DNAJC5B: variants seen among roughly 807,000 people sequenced by gnomAD.
The protein encoded by DNAJC5B is DnaJ heat shock protein family (Hsp40) member C5 beta.
A neutral mutation model predicts 24.7 loss-of-function variants in DNAJC5B; 23 were observed. The ratio of observed to expected loss-of-function variants is 0.93; its 90% CI spans 0.67 to 1.32. DNAJC5B has a LOEUF of 1.32. Among genes scored for constraint, DNAJC5B ranks in the 40% most tolerant of loss-of-function variants. The probability of loss-of-function intolerance (pLI) is 0.00; values close to 1 mark genes in which losing one functional copy is unlikely to be tolerated. For missense variants in DNAJC5B, 238 were observed against 240.8 expected (o/e 0.99, Z 0.08); for synonymous variants, 101 against 90.1 (o/e 1.12, Z -0.68).
chr8:66,033,563 C>T (rs565388034), intron 1 of DNAJC5B, among the ~76,000 whole-genome samples: 2 of 152,142 alleles, frequency 1.3e-5, no homozygotes, highest in South Asian at 4.1e-4. Flanking sequence ...ATTTGGCTTC[C>T]ATGGGATGAT....
At position 66,101,225 on chromosome 8, in the gene DNAJC5B, G is replaced by T. The variant is rs1427071587; in HGVS notation, c.*1194G>T. 6.6e-6 allele frequency among the ~76,000 whole-genome samples: 1 copy of T among 152,096 alleles called. No homozygotes were observed. Among genetic ancestry groups the T allele is most frequent in the African/African-American group, 2.4e-5 (1 of 41,430 alleles). Reference sequence around the variant, plus strand: ...GTGTTATAGCTCTGATAGTTCTGAGGTCATTAAAATTCCACTCTAACTCTT... The same window carrying T: ...GTGTTATAGCTCTGATAGTTCTGAGTTCATTAAAATTCCACTCTAACTCTT... On this transcript the variant is annotated 3_prime_UTR_variant, in exon 6 of 6. Transcript: ENST00000276570.
At chr8:66,027,395 A>G (rs1343609964) in intron 1 of DNAJC5B, among the ~76,000 whole-genome samples, 1 of 152,230 alleles carries the variant, frequency 6.6e-6, no homozygotes, top group Non-Finnish European at 1.5e-5. Flanking sequence ...GAGCTGAGTC[A>G]TGAATACTGT....
At chr8:66,020,847 G>A (rs570623280), upstream of DNAJC5B, among the ~76,000 whole-genome samples, 3 of 151,984 alleles carry the variant, frequency 2.0e-5, no homozygotes, top group South Asian at 4.2e-4. Context: ...TATATAGCTC[G>A]GGCTGGTCTC....
At chr8:66,053,270 T>C (rs898673542) in intron 3 of DNAJC5B, among the ~76,000 whole-genome samples, 2 of 152,160 alleles carry the variant, frequency 1.3e-5, no homozygotes, top group Non-Finnish European at 1.5e-5. Context: ...TTCTTACATA[T>C]AGTTTTAAGT....
intron 3 of DNAJC5B, among the ~76,000 whole-genome samples, chr8:66,054,176 A>C (rs952795282): frequency 5.9e-5 from 9 of 152,168 alleles, no homozygotes; most frequent in Admixed American, 1.3e-4. Flanking sequence ...ACAGGAAAAA[A>C]ATAATCAAAA....
At chr8:66,067,489 T>C (rs948447377) in intron 3 of DNAJC5B, among the ~76,000 whole-genome samples, 1 of 152,192 alleles carries the variant, frequency 6.6e-6, no homozygotes, top group Non-Finnish European at 1.5e-5. Flanking sequence ...CTGGTTTTCA[T>C]GTCCTTGTGT....
intron 3 of DNAJC5B, among the ~76,000 whole-genome samples, chr8:66,062,060 G>A (rs1807094954): frequency 6.6e-6 from 1 of 152,240 alleles, no homozygotes; most frequent in South Asian, 2.1e-4. Flanking sequence ...TTCCCTTGCT[G>A]CTTTTCTGCC....
intron 5 of DNAJC5B, among the ~76,000 whole-genome samples, chr8:66,097,857 C>A (rs1460554649): frequency 2.0e-5 from 3 of 151,166 alleles, no homozygotes; most frequent in Admixed American, 6.6e-5. Flanking sequence ...CTTGTCTTTT[C>A]TTTTTTTTTG....
chr8:66,075,847 A>G (rs888419058), intron 3 of DNAJC5B, among the ~76,000 whole-genome samples: 1 of 152,212 alleles, frequency 6.6e-6, no homozygotes, highest in Non-Finnish European at 1.5e-5. Context: ...GGTGTACTCT[A>G]CTTTTCTGCT....
intron 3 of DNAJC5B, 26 bp downstream of exon 3, chr8:66,051,692 T>C: frequency 6.5e-7 from 1 of 1,540,876 alleles, no homozygotes; most frequent in Middle Eastern, 1.7e-4. Flanking sequence ...GTGACATTTC[T>C]TCTGCTACTA....
chr8:66,097,110 G>A (rs1016707457), intron 5 of DNAJC5B, among the ~76,000 whole-genome samples: 1 of 151,566 alleles, frequency 6.6e-6, no homozygotes, highest in Non-Finnish European at 1.5e-5. Flanking sequence ...GAACACTGCT[G>A]GACATGTAAT....
intron 3 of DNAJC5B, among the ~76,000 whole-genome samples, chr8:66,063,717 C>G (rs1332043001): frequency 6.6e-6 from 1 of 152,154 alleles, no homozygotes; most frequent in African/African-American, 2.4e-5. Flanking sequence ...CTCATTCACT[C>G]AATATCTATT....
chr8:66,061,938 T>A (rs1807091301), intron 3 of DNAJC5B, among the ~76,000 whole-genome samples: 1 of 150,632 alleles, frequency 6.6e-6, no homozygotes, highest in African/African-American at 2.4e-5. Flanking sequence ...TCAGGTGGCT[T>A]CGGGGAGTGG....
At chr8:66,064,233 A>C (rs1009187573) in intron 3 of DNAJC5B, among the ~76,000 whole-genome samples, 1 of 152,240 alleles carries the variant, frequency 6.6e-6, no homozygotes, top group Non-Finnish European at 1.5e-5. Flanking sequence ...CGTAAAGATC[A>C]GAGGATAATG....
At chr8:66,020,409 T>G (rs775604515), upstream of DNAJC5B, among the ~76,000 whole-genome samples, 1 of 152,202 alleles carries the variant, frequency 6.6e-6, no homozygotes, top group Non-Finnish European at 1.5e-5. Context: ...TTCTCTGACT[T>G]CACAGATACG....
chr8:66,095,345 C>T (rs144911340), intron 5 of DNAJC5B, among the ~76,000 whole-genome samples: 3 of 151,908 alleles, frequency 2.0e-5, no homozygotes, highest in African/African-American at 7.2e-5. Flanking sequence ...CTTCATACAT[C>T]TATAGTATCT....
chr8:66,099,870 C>T, intron 5 of DNAJC5B, 67 bp from the exon 6 acceptor site: 1 of 1,392,848 alleles, frequency 7.2e-7, no homozygotes, highest in African/African-American at 1.4e-5. Flanking sequence ...AAATACCTAT[C>T]ACTTGCTTCA....
intron 3 of DNAJC5B, among the ~76,000 whole-genome samples, chr8:66,070,857 T>A (rs1807331486): frequency 6.6e-6 from 1 of 152,076 alleles, no homozygotes; most frequent in Non-Finnish European, 1.5e-5. Context: ...AACAGATATA[T>A]AGACCAATGG....
At chr8:66,030,133 T>C (rs889358428) in intron 1 of DNAJC5B, among the ~76,000 whole-genome samples, 2 of 152,218 alleles carry the variant, frequency 1.3e-5, no homozygotes, top group Non-Finnish European at 2.9e-5. Flanking sequence ...CCAACTCAGA[T>C]TTCAGTTGAA....
Sources: allele counts gnomAD v4.1 joint callset (sites outside exome capture counted in the v4.1 genomes callset), GRCh38; gene constraint gnomAD v4.1.1; transcripts MANE v1.5; gene names NCBI Gene and HGNC (gene_info 2026-07-23, HGNC 2026-07-21).